SUN1: variants seen among roughly 807,000 people sequenced by gnomAD.
SUN1 encodes SUN domain-containing protein 1.
Under a neutral mutation model 103.2 loss-of-function variants are expected in SUN1, and 61 were observed. The observed-to-expected ratio is 0.59, with a 90% CI of 0.48 to 0.73. The LOEUF (loss-of-function observed/expected upper bound fraction) is 0.73. SUN1 is among the 30% of genes least tolerant of loss of function. SUN1 has a pLI of 0.00. For missense variants in SUN1, 1,052 were observed against 1,034.6 expected, an observed-to-expected ratio of 1.02 and a Z score of -0.23; for synonymous variants, 490 against 425.7, an observed-to-expected ratio of 1.15 and a Z score of -1.86.
chr7:847,356 C>T (rs1462051303), intron 5 of SUN1, among the ~76,000 whole-genome samples: 1 of 142,992 alleles, frequency 7.0e-6, no homozygotes, highest in Non-Finnish European at 1.5e-5. Context: ...GCAGCGCCCT[C>T]TCTGGGATCT....
chr7:852,159 T>C (rs1180959333), intron 7 of SUN1, 116 bp downstream of exon 7: 12 of 947,010 alleles, frequency 1.3e-5, no homozygotes, highest in Non-Finnish European at 1.9e-5. Flanking sequence ...TACATAGTGT[T>C]TGTATATTTT....
intron 5 of SUN1, among the ~76,000 whole-genome samples, chr7:849,070 G>C (rs1024925051): frequency 1.3e-5 from 2 of 152,122 alleles, no homozygotes; most frequent in African/African-American, 2.4e-5. Flanking sequence ...TCCTGCCTCA[G>C]CCTCCCAAGT....
At chr7:857,110 TCTTA>T (rs1056923427) in intron 12 of SUN1, among the ~76,000 whole-genome samples, 22 of 152,042 alleles carry the variant, frequency 1.4e-4, no homozygotes, top group African/African-American at 5.1e-4. Context: ...GCTTTGTCTT[TCTTA>T]CTTCATTTTA....
intron 1 of SUN1, among the ~76,000 whole-genome samples, chr7:823,892 A>G (rs1788804955): frequency 6.6e-6 from 1 of 152,204 alleles, no homozygotes; most frequent in South Asian, 2.1e-4. Context: ...AATGCCCAAC[A>G]GGAAATAAAA....
At chr7:823,575 G>A (rs1052014462) in intron 1 of SUN1, among the ~76,000 whole-genome samples, 1 of 152,174 alleles carries the variant, frequency 6.6e-6, no homozygotes, top group African/African-American at 2.4e-5. Flanking sequence ...GGCACGGATG[G>A]GAAGTGAGGA....
chr7:849,560 T>A (rs1379803108), intron 5 of SUN1: 1 of 1,408,728 alleles, frequency 7.1e-7, no homozygotes, highest in South Asian at 1.1e-5. Flanking sequence ...TGAGAGAGGT[T>A]CTCAGAGAGG....
At chr7:860,454 G>C in intron 14 of SUN1, 72 bp downstream of exon 14, 1 of 1,573,288 alleles carries the variant, frequency 6.4e-7, no homozygotes, top group Non-Finnish European at 8.6e-7. Context: ...CTAGCTGTGA[G>C]GTGTGGATGT....
intron 15 of SUN1, among the ~76,000 whole-genome samples, chr7:865,464 A>G (rs910131288): frequency 6.6e-6 from 1 of 152,096 alleles, no homozygotes; most frequent in Non-Finnish European, 1.5e-5. Context: ...TATGTACGCC[A>G]TTTTCCTCAT....
chr7:835,600 G>A (rs1802280741), intron 1 of SUN1, among the ~76,000 whole-genome samples: 1 of 152,204 alleles, frequency 6.6e-6, no homozygotes, highest in Non-Finnish European at 1.5e-5. Flanking sequence ...GTCTGGAAGT[G>A]CAGTCATTCT....
At chr7:816,505 C>T, upstream of SUN1, 1 of 285,726 alleles carries the variant, frequency 3.5e-6, no homozygotes, top group Non-Finnish European at 6.9e-6. Context: ...CGGCCCGTAG[C>T]CGCCTCGTCA....
Position 853,143 on chromosome 7 carries a change from C to T in SUN1, c.1053+191C>T, listed in dbSNP as rs374571225. ...TTCAAATGCACATTTAAAGTACTCT[C>T]ATGATTCAGTTAGTTTTAATTTTAA... is the stretch of plus-strand genomic sequence containing the variant. On this transcript the variant is annotated intron_variant, in intron 9 of 18. Coordinates refer to ENST00000401592, the MANE Select transcript of SUN1 (RefSeq NM_001130965.3). 5.0e-6 allele frequency: 4 copies of T among 792,380 alleles called. No individual in the cohort carries two copies. In the South Asian group the frequency reaches 5.7e-5, roughly 11 times the overall value. 49.1% of individuals were successfully genotyped at this position (792,380 alleles called of 1,614,324 possible). A position where few individuals can be genotyped will look rare whatever the true frequency, so the allele number is the denominator to read the frequency against.
chr7:861,336 C>A (rs553094355), intron 14 of SUN1, 44 bp from the exon 15 acceptor site: 3 of 1,606,270 alleles, frequency 1.9e-6, no homozygotes, highest in Admixed American at 1.7e-5. Flanking sequence ...CGTCTCTCCT[C>A]TCCTGTTCTG....
chr7:840,791 G>A (rs558030867), intron 2 of SUN1, among the ~76,000 whole-genome samples: 10 of 151,718 alleles, frequency 6.6e-5, no homozygotes, highest in Non-Finnish European at 1.2e-4. Context: ...ACAGGTGCCC[G>A]CCACCATGCC....
chr7:844,419 C>T (rs1479574676), intron 5 of SUN1, among the ~76,000 whole-genome samples: 5 of 152,184 alleles, frequency 3.3e-5, no homozygotes, highest in African/African-American at 7.2e-5. Context: ...TGGCATTGCC[C>T]GGGACGTGGG....
chr7:872,170 C>G (rs542950418), intron 17 of SUN1, among the ~76,000 whole-genome samples: 29 of 152,294 alleles, frequency 1.9e-4, no homozygotes, highest in African/African-American at 7.0e-4. Context: ...TCTGTGTGTC[C>G]GGCGGGGTCA....
intron 5 of SUN1, among the ~76,000 whole-genome samples, chr7:844,887 A>G (rs533504690): frequency 2.0e-5 from 3 of 152,274 alleles, no homozygotes; most frequent in African/African-American, 7.2e-5. Context: ...ACCTGCCTCC[A>G]TGAGCACTTG....
intron 7 of SUN1, chr7:852,320 G>T (rs913599789): frequency 5.0e-6 from 3 of 595,948 alleles, no homozygotes; most frequent in Admixed American, 6.0e-5. Flanking sequence ...CCCTGCTGCA[G>T]TTCCCAGTGG....
intron 11 of SUN1, among the ~76,000 whole-genome samples, 192 bp downstream of exon 11, chr7:855,198 A>C (rs925259562): frequency 6.6e-6 from 1 of 152,118 alleles, no homozygotes; most frequent in Non-Finnish European, 1.5e-5. Flanking sequence ...TCGGGTGTGT[A>C]ACTCACGCAT....
chr7:872,138 T>A (rs1292823664), intron 17 of SUN1, among the ~76,000 whole-genome samples: 1 of 152,230 alleles, frequency 6.6e-6, no homozygotes, highest in Non-Finnish European at 1.5e-5. Flanking sequence ...CTGTGAGTGC[T>A]GAGGGCAGCA....
Sources: gnomAD v4.1 joint callset for allele counts (sites outside exome capture counted in the v4.1 genomes callset) on GRCh38, gnomAD v4.1.1 for gene constraint, MANE v1.5 for transcripts, NCBI Gene and HGNC (gene_info 2026-07-23, HGNC 2026-07-21) for gene names.